The following CRHR2 variants were observed in gnomAD, a reference collection of about 807,000 sequenced individuals.
CRHR2 encodes the protein corticotropin releasing hormone receptor 2.
A neutral mutation model predicts 57.9 loss-of-function variants in CRHR2; 53 were observed. The ratio of observed to expected loss-of-function variants is 0.92; its 90% confidence interval spans 0.73 to 1.15. The LOEUF is 1.15. CRHR2 is among the 50% of genes most tolerant of loss of function. The pLI is 0.00. For synonymous variants in CRHR2, 213 were observed against 220.9 expected, an observed-to-expected ratio of 0.96 and a Z score of 0.32; for missense variants, 532 against 542.6, an observed-to-expected ratio of 0.98 and a Z score of 0.19.
chr7:30,671,211 A>G (rs1784340748), intron 2 of CRHR2, among the ~76,000 whole-genome samples: 1 of 152,128 alleles, frequency 6.6e-6, no homozygotes. Context: ...TCTCAGGTGG[A>G]TCAATTATAT....
intron 11 of CRHR2, chr7:30,654,641 T>C: frequency 1.3e-6 from 2 of 1,515,464 alleles, no homozygotes; most frequent in Admixed American, 4.0e-5. Context: ...GGCTTTTCTG[T>C]GGCAGGTAGC....
chr7:30,685,611 C>T (rs1291620376), upstream of CRHR2, among the ~76,000 whole-genome samples: 1 of 152,196 alleles, frequency 6.6e-6, no homozygotes, highest in African/African-American at 2.4e-5. Flanking sequence ...TACTCCACTG[C>T]AGGACAGAGG....
rs965387377 is a variant in CRHR2 at position 30,653,233 on chromosome 7, G to A, written c.*227C>T. On this transcript the variant is annotated 3_prime_UTR_variant, in exon 12 of 12. Coordinates refer to ENST00000471646, the MANE Select transcript of CRHR2 (RefSeq NM_001883.5). This position sits in a 1 kb window ranked among gnomAD's most constrained non-coding sequence, Gnocchi z 5.0. Reference sequence around the variant, plus strand: ...GACATCTGACTGGCTCTTCTCAGGGGGTCCTGTGAATTCCCTCTGCTTCCT... The same window carrying A: ...GACATCTGACTGGCTCTTCTCAGGGAGTCCTGTGAATTCCCTCTGCTTCCT... 5.4e-6 allele frequency: 3 copies of A among 558,096 alleles called. No homozygotes were observed. The highest frequency in any genetic ancestry group is 3.8e-5 in the African/African-American group (2 of 53,022). 34.6% of individuals were successfully genotyped at this position (558,096 alleles called of 1,614,324 possible). A position where few individuals can be genotyped will look rare whatever the true frequency, so the allele number is the denominator to read the frequency against.
chr7:30,657,118 ACT>A (rs939582110), intron 8 of CRHR2, among the ~76,000 whole-genome samples: 2 of 150,468 alleles, frequency 1.3e-5, no homozygotes, highest in East Asian at 2.0e-4. Context: ...CACCTCTGAC[ACT>A]CTGTCAAGAA....
intron 11 of CRHR2, chr7:30,654,603 A>G (rs1783706358): frequency 3.6e-6 from 5 of 1,371,716 alleles, no homozygotes; most frequent in Non-Finnish European, 4.9e-6. Flanking sequence ...CGGCCGCCTG[A>G]CTCCCCAGAG....
chr7:30,658,532 C>G (rs1047750148), intron 8 of CRHR2, among the ~76,000 whole-genome samples: 2 of 152,144 alleles, frequency 1.3e-5, no homozygotes, highest in African/African-American at 4.8e-5. Flanking sequence ...GATGAGGCCC[C>G]CCTCCCAAAT....
intron 2 of CRHR2, among the ~76,000 whole-genome samples, chr7:30,673,556 T>C (rs1784429546): frequency 6.6e-6 from 1 of 152,154 alleles, no homozygotes; most frequent in Non-Finnish European, 1.5e-5. Context: ...TCTCAATCAA[T>C]GTCTCCTCCC....
Position 30,665,626 on chromosome 7 carries a change from T to A in CRHR2, c.329A>T (p.Asp110Val). Residue 110 changes from aspartate (D) to valine (V), a missense_variant, in exon 4 of 12, where the codon GAC becomes GTC. Physicochemically the swap from Asp to Val is radical, Grantham distance 152. Coordinates refer to ENST00000471646, the MANE Select transcript of CRHR2 (RefSeq NM_001883.5). The surrounding 1 kb of genome is among the most constrained non-coding windows in gnomAD (Gnocchi z 4.5). ...PILDDKQRKY[D>V]LHYRIALVVN... is the part of the protein sequence containing the mutation. ...GACAAGGGCGATGCGGTAGTGCAGG[T>A]CATACTTCCTCTGCTGGACAGACAG... The A allele has an allele frequency of 6.4e-7, 1 of 1,557,204 alleles. No individual in the cohort carries two copies. Among genetic ancestry groups the A allele is most frequent in the Admixed American group, 1.9e-5 (1 of 52,066 alleles).
chr7:30,686,464 C>T, upstream of CRHR2: 1 of 1,528,856 alleles, frequency 6.5e-7, no homozygotes, highest in East Asian at 2.4e-5. Flanking sequence ...CCAACCCTGG[C>T]ATATGTGTGT....
intron 2 of CRHR2, among the ~76,000 whole-genome samples, chr7:30,671,032 A>G (rs1468953642): frequency 1.3e-5 from 2 of 152,178 alleles, no homozygotes; most frequent in Non-Finnish European, 2.9e-5. Flanking sequence ...TGGTTCAGGC[A>G]GTTACCTGGG....
At chr7:30,659,759 G>C (rs965645950) in intron 8 of CRHR2, among the ~76,000 whole-genome samples, 1 of 152,184 alleles carries the variant, frequency 6.6e-6, no homozygotes, top group Non-Finnish European at 1.5e-5. Context: ...ACAAAAGAAA[G>C]CCCCACCAGG....
At chr7:30,692,919 G>T (rs1463450162) in intron 1 of CRHR2, among the ~76,000 whole-genome samples, 2 of 152,314 alleles carry the variant, frequency 1.3e-5, no homozygotes, top group South Asian at 2.1e-4. Context: ...GCTTGGTCAG[G>T]TTCCCATGGG....
intron 2 of CRHR2, among the ~76,000 whole-genome samples, chr7:30,672,935 T>C (rs1335441822): frequency 5.3e-5 from 8 of 152,234 alleles, no homozygotes; most frequent in Non-Finnish European, 7.3e-5. Flanking sequence ...TGGGACACGC[T>C]TCCTCACGGG....
intron 8 of CRHR2, among the ~76,000 whole-genome samples, chr7:30,658,138 C>T (rs780636681): frequency 6.6e-6 from 1 of 152,142 alleles, no homozygotes; most frequent in African/African-American, 2.4e-5. Flanking sequence ...CCCTTCACAC[C>T]ACCACAGGTA....
intron 1 of CRHR2, chr7:30,699,574 A>AT: frequency 6.0e-6 from 1 of 165,466 alleles, no homozygotes; most frequent in African/African-American, 2.4e-5. Context: ...GATAGGAGAC[A>AT]GGGAATCTTG....
intron 1 of CRHR2, chr7:30,697,835 A>G (rs1347001830): frequency 6.6e-6 from 1 of 152,038 alleles, no homozygotes; most frequent in African/African-American, 2.4e-5. Flanking sequence ...CCCACCTCCC[A>G]CCAGGCTCCC....
intron 7 of CRHR2, 30 bp from the exon 8 acceptor site, chr7:30,660,675 TC>T: frequency 6.4e-7 from 1 of 1,551,402 alleles, no homozygotes; most frequent in Non-Finnish European, 8.7e-7. Flanking sequence ...GTAGGGGGCC[TC>T]CTGAGCTGGA....
At chr7:30,682,577 C>G, upstream of CRHR2, 1 of 1,108,780 alleles carries the variant, frequency 9.0e-7, no homozygotes, top group East Asian at 4.7e-5. Context: ...GGCTCAGTCT[C>G]CAGCCCCCGG....
rs1784753863 is a variant in CRHR2 at position 30,682,439 on chromosome 7, C to A, written c.-159G>T. 5.2e-6 allele frequency: 7 copies of A among 1,354,168 alleles called. No homozygotes were observed. The highest frequency in any genetic ancestry group is 6.6e-6 in the Non-Finnish European group (7 of 1,060,232). 83.9% of individuals were successfully genotyped at this position (1,354,168 alleles called of 1,614,324 possible). On this transcript the variant is annotated 5_prime_UTR_variant, in exon 1 of 12. Transcript: ENST00000471646. ...GCAGCCTTTGGGCGCCACCTCCGGT[C>A]GCCCAGAGCTGTCAAGTGGGGACCT...
Sources: allele counts gnomAD v4.1 joint callset (sites outside exome capture counted in the v4.1 genomes callset), GRCh38; gene constraint gnomAD v4.1.1; non-coding constraint Gnocchi (gnomAD v3.1); transcripts MANE v1.5; gene names NCBI Gene and HGNC (gene_info 2026-07-23, HGNC 2026-07-21).